EIPR1: variants seen among roughly 807,000 people sequenced by gnomAD.
EIPR1 encodes the protein EARP and GARP complex-interacting protein 1.
In EIPR1, 25 loss-of-function variants were observed where a neutral mutation model predicts 48.1. The observed-to-expected ratio is 0.52, with a 90% confidence interval of 0.38 to 0.73. The LOEUF (loss-of-function observed/expected upper bound fraction) is 0.73, where lower values mean the gene tolerates loss of function less well. Ranked by LOEUF, EIPR1 falls within the 30% of genes least tolerant of loss-of-function variation. EIPR1 has a pLI of 0.00. For synonymous variants in EIPR1, 204 were observed against 201.9 expected (o/e 1.01, Z -0.09); for missense variants, 415 against 506.2 (o/e 0.82, Z 1.73).
chr2:3,194,583 G>A (rs1186146785), intron 6 of EIPR1, among the ~76,000 whole-genome samples: 1 of 152,090 alleles, frequency 6.6e-6, no homozygotes, highest in African/African-American at 2.4e-5. Flanking sequence ...AAAAGACAGG[G>A]AGTTGAGGTA....
rs1000691358 is a variant in EIPR1 at position 3,192,555 on chromosome 2, G to C, written c.848C>G (p.Ser283Cys). The change falls in exon 8 of 9, where the codon TCT (serine) becomes TGT (cysteine). Residue 283 changes from serine to cysteine, a missense_variant. Physicochemically the swap from Ser to Cys is moderately radical, Grantham distance 112. Coordinates refer to ENST00000382125, the MANE Select transcript of EIPR1 (RefSeq NM_003310.5). ...GCCCGTGAGGACCAGCTGGTCATGA[G>C]AGTGGTTGTAGCGGACGTTCCACAC... Reference protein sequence around the residue: ...HWVWNVRYNHSHDQLVLTGSS... With the variant: ...HWVWNVRYNHCHDQLVLTGSS... 5 of 1,612,398 alleles carry C rather than the reference G, an allele frequency of 3.1e-6. No homozygotes were observed. The highest frequency in any genetic ancestry group is 3.4e-6 in the Non-Finnish European group (4 of 1,179,728).
intron 4 of EIPR1, among the ~76,000 whole-genome samples, chr2:3,215,281 C>G (rs983031526): frequency 2.0e-5 from 3 of 152,188 alleles, no homozygotes; most frequent in Non-Finnish European, 2.9e-5. Flanking sequence ...AGGATGCCCA[C>G]ATCCTTTGTA....
At chr2:3,212,005 G>A (rs779220071) in intron 5 of EIPR1, among the ~76,000 whole-genome samples, 2 of 152,172 alleles carry the variant, frequency 1.3e-5, no homozygotes, top group Non-Finnish European at 2.9e-5. Flanking sequence ...AGGTAATGAT[G>A]CAGTGAGCAT....
At chr2:3,291,373 T>C (rs6748254) in intron 3 of EIPR1, among the ~76,000 whole-genome samples, 52,162 of 151,906 alleles carry the variant, frequency 0.34, 9,089 homozygotes, top group African/African-American at 0.38. Flanking sequence ...GCGGGCTGCA[T>C]GCACAGTTCT....
In EIPR1 at chr2:3,278,711, G is replaced by A. The variant is rs193257518; in HGVS notation, c.260-21256C>T. ...GGGCCCCCAGACCATCAGCGAGGTC[G>A]GCCCACCTCCAAAACCCAACTACAT... On this transcript the variant is annotated intron_variant, in intron 3 of 8. Coordinates refer to ENST00000382125, the MANE Select transcript of EIPR1 (RefSeq NM_003310.5). 5.3e-5 allele frequency among the ~76,000 whole-genome samples: 8 copies of A among 152,244 alleles called. No individual in the cohort carries two copies. The East Asian group carries it at 1.6e-3, about 30-fold the overall frequency.
chr2:3,352,767 C>G (rs1041074807), intron 2 of EIPR1, among the ~76,000 whole-genome samples: 5 of 152,200 alleles, frequency 3.3e-5, no homozygotes, highest in African/African-American at 9.7e-5. Context: ...GAGGCTGAGG[C>G]CAGCAGATAA....
At chr2:3,246,756 AGAGGGAGGAAGG>A (rs1666809387) in intron 4 of EIPR1, among the ~76,000 whole-genome samples, 1 of 129,402 alleles carries the variant, frequency 7.7e-6, no homozygotes, top group Admixed American at 8.2e-5. Context: ...AGAGAGGAAG[AGAGGGAGGAAGG>A]GAGGGAGAAA....
chr2:3,288,442 G>C (rs541446791), intron 3 of EIPR1, among the ~76,000 whole-genome samples: 1 of 152,306 alleles, frequency 6.6e-6, no homozygotes, highest in South Asian at 2.1e-4. Flanking sequence ...CACGTGGCTG[G>C]GGCTGCTGGG....
At chr2:3,201,750 T>C (rs1415688451) in intron 5 of EIPR1, among the ~76,000 whole-genome samples, 1 of 152,126 alleles carries the variant, frequency 6.6e-6, no homozygotes, top group Admixed American at 6.5e-5. Flanking sequence ...AAAATAAACA[T>C]TGCCAACAGC....
chr2:3,348,363 C>T lies in EIPR1; in HGVS notation c.126+6187G>A, dbSNP rs141821347. Among the ~76,000 whole-genome samples the T allele has an allele frequency of 3.9e-5, 6 of 152,298 alleles. No homozygotes were observed. The East Asian group carries it at 9.6e-4, about 24-fold the overall frequency. On this transcript the variant is annotated intron_variant, in intron 2 of 8. Transcript: ENST00000382125. ...TCTCCAGAGGAAGATTAAGACTCAT[C>T]TCTTATCTACATGAGAAAGAGGGGG...
intron 4 of EIPR1, among the ~76,000 whole-genome samples, chr2:3,219,794 G>C (rs570575828): frequency 6.6e-6 from 1 of 150,726 alleles, no homozygotes; most frequent in Non-Finnish European, 1.5e-5. Flanking sequence ...GTGCACACCC[G>C]GCATGGCTCT....
At chr2:3,240,875 G>A (rs1666593939) in intron 4 of EIPR1, among the ~76,000 whole-genome samples, 2 of 96,116 alleles carry the variant, frequency 2.1e-5, no homozygotes, top group African/African-American at 7.1e-5. Flanking sequence ...CTAAAGCAAA[G>A]CCAGAAGATC....
rs559135909 is a variant in EIPR1 at position 3,331,248 on chromosome 2, T to A, written c.259+6769A>T. On this transcript the variant is annotated intron_variant, in intron 3 of 8. Transcript: ENST00000382125. ...TGAGATGTGTCAGCAGAGGCAGGTG[T>A]GTACACACTCATGAGATGGTGTGAG... Among the ~76,000 whole-genome samples the A allele has an allele frequency of 1.2e-4, 11 of 89,586 alleles. 2 individuals carry two copies. Among genetic ancestry groups the A allele is most frequent in the Non-Finnish European group, 2.1e-4 (10 of 48,442 alleles). 58.8% of individuals were successfully genotyped at this position (89,586 alleles called of 152,430 possible).
intron 4 of EIPR1, among the ~76,000 whole-genome samples, chr2:3,228,951 T>C (rs1481319776): frequency 6.6e-6 from 1 of 152,238 alleles, no homozygotes; most frequent in African/African-American, 2.4e-5. Flanking sequence ...GTCTCAGGTA[T>C]GTCTTTATTA....
chr2:3,362,313 C>T (rs1238771182), intron 1 of EIPR1, among the ~76,000 whole-genome samples: 2 of 152,186 alleles, frequency 1.3e-5, no homozygotes, highest in East Asian at 1.9e-4. Context: ...CATTCATACA[C>T]ATGGGGGTGA....
intron 3 of EIPR1, among the ~76,000 whole-genome samples, chr2:3,304,248 C>G (rs1009462479): frequency 6.6e-6 from 1 of 152,182 alleles, no homozygotes; most frequent in Non-Finnish European, 1.5e-5. Context: ...CTGGCGAGAT[C>G]GGAGTTGAGA....
chr2:3,377,720 T>C lies in EIPR1; in HGVS notation c.-31A>G, dbSNP rs2103400418. Reference sequence around the variant, plus strand: ...GGGGAAGCGACCCGACCCCGGCCACTCACACGCTAAGGACCTCGCTACGGC... The same window carrying C: ...GGGGAAGCGACCCGACCCCGGCCACCCACACGCTAAGGACCTCGCTACGGC... On this transcript the variant is annotated 5_prime_UTR_variant, in exon 1 of 9. The change abolishes the stop of an existing upstream ORF in the 5' untranslated region. Coordinates refer to ENST00000382125, the MANE Select transcript of EIPR1 (RefSeq NM_003310.5). 3 of 1,566,114 alleles carry C rather than the reference T, an allele frequency of 1.9e-6. No homozygotes were observed. The highest frequency in any genetic ancestry group is 2.3e-5 in the South Asian group (2 of 85,336).
intron 2 of EIPR1, among the ~76,000 whole-genome samples, chr2:3,347,595 C>T (rs1422269936): frequency 1.2e-4 from 18 of 152,158 alleles, no homozygotes; most frequent in Non-Finnish European, 2.9e-5. Context: ...TCTTTATCAG[C>T]AGCATGAAAA....
chr2:3,281,355 G>C (rs1474336247), intron 3 of EIPR1, among the ~76,000 whole-genome samples: 2 of 152,100 alleles, frequency 1.3e-5, no homozygotes, highest in Admixed American at 6.5e-5. Context: ...CATAGGGCGA[G>C]TTAGTGAGCA....
Sources: gnomAD v4.1 joint callset for allele counts (sites outside exome capture counted in the v4.1 genomes callset) on GRCh38, gnomAD v4.1.1 for gene constraint, MANE v1.5 for transcripts, NCBI Gene and HGNC (gene_info 2026-07-23, HGNC 2026-07-21) for gene names.